The following BLVRB variants were observed in gnomAD, a reference collection of about 807,000 sequenced individuals.
BLVRB encodes the protein biliverdin reductase B, also known as flavin reductase (NADPH).
A neutral mutation model predicts 21.1 loss-of-function variants in BLVRB; 25 were observed. The ratio of observed to expected loss-of-function variants is 1.19; its 90% confidence interval spans 0.86 to 1.66. The LOEUF (loss-of-function observed/expected upper bound fraction) is 1.66, where lower values mean the gene tolerates loss of function less well. Among genes scored for constraint, BLVRB ranks in the 40% most tolerant of loss-of-function variants. BLVRB has a pLI of 0.00. For missense variants in BLVRB, 274 were observed against 282.7 expected, an observed-to-expected ratio of 0.97 and a Z score of 0.22; for synonymous variants, 128 against 122.2, an observed-to-expected ratio of 1.05 and a Z score of -0.31.
chr19:40,451,524 G>A (rs780515941), intron 3 of BLVRB, 32 bp from the exon 4 acceptor site: 3 of 1,509,616 alleles, frequency 2.0e-6, no homozygotes, highest in Non-Finnish European at 2.6e-6. Context: ...ATCAGCCTGG[G>A]CTCTCTTGTC....
intron 3 of BLVRB, among the ~76,000 whole-genome samples, chr19:40,456,044 G>A (rs1240788218): frequency 6.6e-6 from 1 of 151,974 alleles, no homozygotes; most frequent in African/African-American, 2.4e-5. Context: ...AAAAGAAAAG[G>A]AATATGGTTG....
At chr19:40,458,028 G>A in intron 3 of BLVRB, 127 bp downstream of exon 3, 1 of 928,488 alleles carries the variant, frequency 1.1e-6, no homozygotes, top group Non-Finnish European at 1.7e-6. Context: ...TAAGGTTCAG[G>A]CACACAGCTG....
intron 4 of BLVRB, among the ~76,000 whole-genome samples, chr19:40,449,531 C>T (rs1568735959): frequency 6.6e-6 from 1 of 152,152 alleles, no homozygotes. Context: ...CAGATGTGAG[C>T]CACCACGCTG....
chr19:40,461,949 T>C (rs1303039523), intron 1 of BLVRB, among the ~76,000 whole-genome samples: 1 of 152,228 alleles, frequency 6.6e-6, no homozygotes, highest in Admixed American at 6.6e-5. Flanking sequence ...CAGCCCTCTT[T>C]ATGCTGACCT....
Position 40,458,362 on chromosome 19 carries a change from C to A in BLVRB, c.244+19G>T. On this transcript the variant is annotated intron_variant, in intron 2 of 4. Transcript: ENST00000263368. ...CCGAGGTGTAGGGGAGGGCCGTGGG[C>A]AGAGGGGGGGCTCAGTACTGAGGTC... 2 of 1,549,488 alleles carry A rather than the reference C, an allele frequency of 1.3e-6. No individual in the cohort carries two copies. Among genetic ancestry groups the A allele is most frequent in the Non-Finnish European group, 1.7e-6 (2 of 1,144,700 alleles).
intron 1 of BLVRB, among the ~76,000 whole-genome samples, chr19:40,465,398 G>A (rs905357807): frequency 6.6e-6 from 1 of 152,222 alleles, no homozygotes; most frequent in African/African-American, 2.4e-5. Context: ...GGCTCCCGGG[G>A]CCAATTCCTC....
chr19:40,453,882 G>A (rs1380031836), intron 3 of BLVRB, among the ~76,000 whole-genome samples: 3 of 152,144 alleles, frequency 2.0e-5, no homozygotes, highest in Non-Finnish European at 4.4e-5. Context: ...CTGCTTAGAA[G>A]GCTGAGGCGA....
intron 4 of BLVRB, among the ~76,000 whole-genome samples, chr19:40,448,754 A>G (rs1485420821): frequency 1.3e-5 from 2 of 150,764 alleles, no homozygotes; most frequent in African/African-American, 4.9e-5. Context: ...AGTATGGAAC[A>G]CACACCCTTG....
chr19:40,461,535 T>C (rs1399708865), intron 1 of BLVRB, among the ~76,000 whole-genome samples: 1 of 150,866 alleles, frequency 6.6e-6, no homozygotes, highest in African/African-American at 2.4e-5. Context: ...AGTCTCGCTC[T>C]GTTGCCCAGT....
chr19:40,460,724 G>A (rs966581896), intron 1 of BLVRB, among the ~76,000 whole-genome samples: 12 of 152,208 alleles, frequency 7.9e-5, no homozygotes, highest in Admixed American at 2.6e-4. Context: ...TGTAATCCCA[G>A]CACTTTGGGA....
chr19:40,450,697 G>C (rs985549174), intron 4 of BLVRB, among the ~76,000 whole-genome samples: 4 of 150,102 alleles, frequency 2.7e-5, no homozygotes, highest in Non-Finnish European at 5.9e-5. Flanking sequence ...TGTGTGCCAC[G>C]ACGCCCAGCT....
intron 1 of BLVRB, among the ~76,000 whole-genome samples, chr19:40,460,939 G>A (rs1210071509): frequency 1.3e-5 from 2 of 152,134 alleles, no homozygotes; most frequent in African/African-American, 2.4e-5. Flanking sequence ...GCCATTGCAC[G>A]CCAGCCTGGG....
intron 3 of BLVRB, among the ~76,000 whole-genome samples, chr19:40,452,830 A>G (rs893748289): frequency 6.6e-6 from 1 of 151,686 alleles, no homozygotes; most frequent in African/African-American, 2.4e-5. Context: ...GCGCCACGGC[A>G]CTCCAGCTTG....
At chr19:40,459,447 A>T (rs952455197) in intron 1 of BLVRB, among the ~76,000 whole-genome samples, 2 of 140,212 alleles carry the variant, frequency 1.4e-5, no homozygotes, top group African/African-American at 5.2e-5. Flanking sequence ...CCTTCTATTT[A>T]TTATTATTAT....
intron 1 of BLVRB, among the ~76,000 whole-genome samples, chr19:40,460,247 CATAT>C (rs57153004): frequency 0.047 from 5,721 of 121,138 alleles, 517 homozygotes; most frequent in African/African-American, 0.14. Flanking sequence ...GTAATAGCAA[CATAT>C]ATATATATAT....
intron 3 of BLVRB, among the ~76,000 whole-genome samples, chr19:40,456,736 A>T (rs2079763628): frequency 6.6e-6 from 1 of 152,030 alleles, no homozygotes. Context: ...AAAATACAAA[A>T]ATTAGCAGGG....
chr19:40,465,541 C>T (rs1488717791), intron 1 of BLVRB, 69 bp downstream of exon 1: 2 of 1,543,142 alleles, frequency 1.3e-6, no homozygotes, highest in Non-Finnish European at 1.7e-6. Context: ...TCGGCCCGAC[C>T]CCATGGTGCC....
At chr19:40,448,607 A>AATAACAAC (rs1396079269) in intron 4 of BLVRB, among the ~76,000 whole-genome samples, 1,485 of 41,042 alleles carry the variant, frequency 0.036, 9 homozygotes, top group South Asian at 0.11. Flanking sequence ...CAACAACAAC[A>AATAACAAC]AATATATATA....
At chr19:40,460,313 T>G (rs2079781804) in intron 1 of BLVRB, among the ~76,000 whole-genome samples, 1 of 142,500 alleles carries the variant, frequency 7.0e-6, no homozygotes. Context: ...CAGGCTGGAG[T>G]GCAGGGGCGC....
Sources: allele counts gnomAD v4.1 joint callset (sites outside exome capture counted in the v4.1 genomes callset), GRCh38; gene constraint gnomAD v4.1.1; transcripts MANE v1.5; gene names NCBI Gene and HGNC (gene_info 2026-07-23, HGNC 2026-07-21).